Variants in SPIDR observed in about 807,000 individuals in gnomAD.
The protein encoded by SPIDR is DNA repair-scaffolding protein.
Under a neutral mutation model 104.6 loss-of-function variants are expected in SPIDR, and 93 were observed. That is an observed-to-expected ratio of 0.89 (90% confidence interval 0.75 to 1.06). The LOEUF (loss-of-function observed/expected upper bound fraction) is 1.06. SPIDR is among the 50% of genes least tolerant of loss of function. The pLI, the probability that SPIDR is intolerant of heterozygous loss-of-function variation, is 0.00. For missense variants in SPIDR, 1,154 were observed against 1,111.2 expected (o/e 1.04, Z -0.55); for synonymous variants, 431 against 416.9 (o/e 1.03, Z -0.41).
intron 8 of SPIDR, among the ~76,000 whole-genome samples, chr8:47,488,781 A>G (rs1312849431): frequency 6.6e-6 from 1 of 152,106 alleles, no homozygotes; most frequent in Non-Finnish European, 1.5e-5. Flanking sequence ...TGCAGAAAAG[A>G]CCTTTGACAA....
chr8:47,458,323 GTATTTTATT>G (rs1380653998), intron 8 of SPIDR, among the ~76,000 whole-genome samples: 5 of 112,222 alleles, frequency 4.5e-5, no homozygotes, highest in Non-Finnish European at 9.2e-5. Context: ...ATATTCCTAA[GTATTTTATT>G]TTATTTTATT....
At chr8:47,488,428 G>T (rs1242501359) in intron 8 of SPIDR, among the ~76,000 whole-genome samples, 1 of 152,178 alleles carries the variant, frequency 6.6e-6, no homozygotes, top group South Asian at 2.1e-4. Flanking sequence ...GAGGTACAAG[G>T]AGGAGCTGGT....
chr8:47,295,280 A>G (rs1209123577), intron 5 of SPIDR, among the ~76,000 whole-genome samples: 2 of 151,924 alleles, frequency 1.3e-5, no homozygotes, highest in Non-Finnish European at 2.9e-5. Flanking sequence ...TTCTGTGTCT[A>G]TTTGTCCTCC....
chr8:47,262,719 G>T (rs1486098497), intron 1 of SPIDR, among the ~76,000 whole-genome samples: 3 of 152,222 alleles, frequency 2.0e-5, no homozygotes, highest in Non-Finnish European at 4.4e-5. Flanking sequence ...TACAATGTAT[G>T]AGGAGACTAT....
At chr8:47,290,076 G>A (rs1328999613) in intron 3 of SPIDR, among the ~76,000 whole-genome samples, 2 of 151,976 alleles carry the variant, frequency 1.3e-5, no homozygotes, top group African/African-American at 4.8e-5. Context: ...TTTCACTCTT[G>A]TTGCCCAGGC....
intron 10 of SPIDR, among the ~76,000 whole-genome samples, chr8:47,663,474 A>G (rs2074426888): frequency 6.6e-6 from 1 of 152,224 alleles, no homozygotes. Context: ...TTGATTTACT[A>G]GAAACCCTAA....
At chr8:47,300,570 C>G (rs2041884944) in intron 5 of SPIDR, among the ~76,000 whole-genome samples, 1 of 152,196 alleles carries the variant, frequency 6.6e-6, no homozygotes, top group African/African-American at 2.4e-5. Context: ...TTCCTGCTTT[C>G]TCTTGTGGGC....
chr8:47,318,344 G>A (rs1284970596), intron 5 of SPIDR, among the ~76,000 whole-genome samples: 2 of 151,910 alleles, frequency 1.3e-5, no homozygotes, highest in African/African-American at 2.4e-5. Context: ...AAGGGTATCA[G>A]TGATGGAAGA....
At chr8:47,517,186 A>G (rs1313926188) in intron 8 of SPIDR, among the ~76,000 whole-genome samples, 1 of 151,976 alleles carries the variant, frequency 6.6e-6, no homozygotes, top group Non-Finnish European at 1.5e-5. Context: ...GATTTTCCCC[A>G]AGTTGGCCAG....
intron 5 of SPIDR, among the ~76,000 whole-genome samples, chr8:47,348,189 T>C (rs1407414861): frequency 6.6e-6 from 1 of 152,208 alleles, no homozygotes; most frequent in African/African-American, 2.4e-5. Flanking sequence ...AAGGATTTTA[T>C]TTCTCCTTCA....
intron 7 of SPIDR, among the ~76,000 whole-genome samples, chr8:47,437,176 G>A (rs2068489300): frequency 6.6e-6 from 1 of 151,544 alleles, no homozygotes; most frequent in African/African-American, 2.4e-5. Flanking sequence ...CATGTGCCAT[G>A]CTGGTGCGCT....
intron 19 of SPIDR, among the ~76,000 whole-genome samples, chr8:47,730,164 A>C (rs2084965992): frequency 6.6e-6 from 1 of 152,146 alleles, no homozygotes; most frequent in Admixed American, 6.5e-5. Context: ...ATAACTGGTA[A>C]TGTGACTGTC....
intron 5 of SPIDR, among the ~76,000 whole-genome samples, chr8:47,368,680 A>G (rs1383529633): frequency 6.6e-6 from 1 of 152,208 alleles, no homozygotes; most frequent in Non-Finnish European, 1.5e-5. Flanking sequence ...AAAATGATCA[A>G]TAGTCTCCTT....
intron 7 of SPIDR, 103 bp from the exon 8 acceptor site, chr8:47,440,220 A>G: frequency 1.1e-6 from 1 of 934,342 alleles, no homozygotes; most frequent in South Asian, 1.6e-5. Context: ...CCAGGTGAAG[A>G]GTGCTATCTG....
intron 7 of SPIDR, among the ~76,000 whole-genome samples, chr8:47,435,292 G>A (rs1336884543): frequency 6.6e-6 from 1 of 152,058 alleles, no homozygotes; most frequent in Non-Finnish European, 1.5e-5. Flanking sequence ...GGGGTTACAG[G>A]TGTGAGCCAC....
chr8:47,543,986 TA>T (rs1246166070), intron 8 of SPIDR, among the ~76,000 whole-genome samples: 1 of 152,138 alleles, frequency 6.6e-6, no homozygotes, highest in Non-Finnish European at 1.5e-5. Flanking sequence ...GAATTCTGGT[TA>T]AAGGTTAATA....
chr8:47,551,012 A>C (rs998437272), intron 8 of SPIDR, among the ~76,000 whole-genome samples: 1 of 152,222 alleles, frequency 6.6e-6, no homozygotes, highest in East Asian at 1.9e-4. Flanking sequence ...CCTTTTCTGC[A>C]TCTATTGAGA....
chr8:47,422,236 T>G (rs557487825), intron 7 of SPIDR, among the ~76,000 whole-genome samples: 3 of 152,208 alleles, frequency 2.0e-5, no homozygotes, highest in Non-Finnish European at 2.9e-5. Flanking sequence ...GCAGGCCTCC[T>G]TGAGCTCCAG....
chr8:47,474,677 A>G (rs948782857), intron 8 of SPIDR, among the ~76,000 whole-genome samples: 2 of 152,274 alleles, frequency 1.3e-5, no homozygotes, highest in Non-Finnish European at 2.9e-5. Context: ...TCAACAAAAA[A>G]GATAAAACAC....
Sources: allele counts gnomAD v4.1 joint callset (sites outside exome capture counted in the v4.1 genomes callset), GRCh38; gene constraint gnomAD v4.1.1; transcripts MANE v1.5; gene names NCBI Gene and HGNC (gene_info 2026-07-23, HGNC 2026-07-21).